Variants in KDM4C observed in about 807,000 individuals in gnomAD.
KDM4C encodes lysine-specific demethylase 4C.
A neutral mutation model predicts 129.3 loss-of-function variants in KDM4C; 81 were observed. The ratio of observed to expected loss-of-function variants is 0.63; its 90% confidence interval spans 0.52 to 0.75. KDM4C has a LOEUF of 0.75. Ranked by LOEUF, KDM4C falls within the 30% of genes least tolerant of loss-of-function variation. The probability of loss-of-function intolerance (pLI) is 0.00; values close to 1 mark genes in which losing one functional copy is unlikely to be tolerated. For synonymous variants in KDM4C, 573 were observed against 456.1 expected, an observed-to-expected ratio of 1.26 and a Z score of -3.26; for missense variants, 1,457 against 1,304.0, an observed-to-expected ratio of 1.12 and a Z score of -1.81.
intron 17 of KDM4C, among the ~76,000 whole-genome samples, chr9:7,091,417 C>A (rs1835786540): frequency 6.6e-6 from 1 of 151,854 alleles, no homozygotes; most frequent in African/African-American, 2.4e-5. Flanking sequence ...TTCACTAAAA[C>A]ACTTTATACT....
intron 1 of KDM4C, among the ~76,000 whole-genome samples, chr9:6,788,166 C>T (rs1014390068): frequency 1.3e-4 from 20 of 152,210 alleles, no homozygotes; most frequent in African/African-American, 4.8e-4. Flanking sequence ...CCACCCCTCC[C>T]CTTTGCAGTC....
intron 17 of KDM4C, among the ~76,000 whole-genome samples, chr9:7,083,039 C>T (rs890165352): frequency 3.9e-5 from 6 of 152,092 alleles, no homozygotes; most frequent in Non-Finnish European, 8.8e-5. Flanking sequence ...AATTATTTAT[C>T]GAATAAGTAG....
intron 1 of KDM4C, among the ~76,000 whole-genome samples, chr9:6,736,422 G>A (rs1817530429): frequency 6.6e-6 from 1 of 152,104 alleles, no homozygotes; most frequent in Admixed American, 6.6e-5. Context: ...GTGGTTCTGT[G>A]GGCTGGGCCC....
intron 5 of KDM4C, among the ~76,000 whole-genome samples, chr9:6,866,496 C>A (rs1396421337): frequency 6.6e-6 from 1 of 152,148 alleles, no homozygotes; most frequent in Non-Finnish European, 1.5e-5. Flanking sequence ...AGCTGCCACT[C>A]TGATTTGGCA....
chr9:7,011,864 C>A lies in KDM4C; in HGVS notation c.1953C>A (p.Leu651=). Reference sequence around the variant, plus strand: ...CACACTGTGCCATCTGCACTCTGCTCATGCCGTACCACAAGGTAAAGGAGC... The same window carrying A: ...CACACTGTGCCATCTGCACTCTGCTAATGCCGTACCACAAGGTAAAGGAGC... ...MKPHCAICTL[L]MPYHKPDSSN... The change falls in exon 13 of 22, where the codon CTC becomes CTA. Residue 651 remains leucine, a synonymous_variant. Coordinates refer to ENST00000381309, the MANE Select transcript of KDM4C (RefSeq NM_015061.6). 2 of 1,613,462 alleles carry A rather than the reference C, an allele frequency of 1.2e-6. No homozygotes were observed. Among genetic ancestry groups the A allele is most frequent in the South Asian group, 1.1e-5 (1 of 91,030 alleles).
At chr9:7,027,491 ACT>A (rs1281401759) in intron 15 of KDM4C, among the ~76,000 whole-genome samples, 1 of 151,900 alleles carries the variant, frequency 6.6e-6, no homozygotes, top group Non-Finnish European at 1.5e-5. Flanking sequence ...GTGACAGAAG[ACT>A]CTCTGTTGTT....
chr9:7,164,991 A>C (rs1844224387), intron 19 of KDM4C, among the ~76,000 whole-genome samples: 1 of 152,144 alleles, frequency 6.6e-6, no homozygotes, highest in African/African-American at 2.4e-5. Context: ...TCAAATAGCA[A>C]ATGTAAATGC....
At chr9:6,815,765 A>C (rs750474142) in intron 4 of KDM4C, among the ~76,000 whole-genome samples, 13 of 152,222 alleles carry the variant, frequency 8.5e-5, no homozygotes, top group Non-Finnish European at 1.9e-4. Context: ...CAAATACTCC[A>C]AAATGGGGAA....
intron 1 of KDM4C, among the ~76,000 whole-genome samples, chr9:6,735,469 G>A (rs1817499145): frequency 6.6e-6 from 1 of 152,168 alleles, no homozygotes; most frequent in African/African-American, 2.4e-5. Context: ...CATATCATGG[G>A]AGGAACCTGG....
In KDM4C at chr9:7,174,610, G is replaced by A. The variant is rs1335635379; in HGVS notation, c.3052G>A (p.Gly1018Arg). 4 of 1,614,188 alleles carry A rather than the reference G, an allele frequency of 2.5e-6. No individual in the cohort carries two copies. In the Admixed American group the frequency reaches 6.7e-5, roughly 27 times the overall value. ...DTFYGADIIQGERKRQRVLSS... is the reference protein window; with the variant it reads ...DTFYGADIIQRERKRQRVLSS... Reference sequence around the variant, plus strand: ...GTTTTATGGAGCAGACATTATCCAAGGGGAGAGAAAGAGACAAAGAGTGCT... The same window carrying A: ...GTTTTATGGAGCAGACATTATCCAAAGGGAGAGAAAGAGACAAAGAGTGCT... Residue 1018 changes from glycine to arginine, a missense_variant, in exon 22 of 22, where the codon GGG becomes AGG. Coordinates refer to ENST00000381309, the MANE Select transcript of KDM4C (RefSeq NM_015061.6).
At chr9:6,877,853 T>C (rs917097937) in intron 5 of KDM4C, among the ~76,000 whole-genome samples, 1 of 152,364 alleles carries the variant, frequency 6.6e-6, no homozygotes, top group East Asian at 1.9e-4. Context: ...GCATTATTAC[T>C]TATCTTCAGA....
At chr9:6,889,251 G>GTGTGTGTGTGTGTGT (rs61683546) in intron 7 of KDM4C, among the ~76,000 whole-genome samples, 3 of 137,978 alleles carry the variant, frequency 2.2e-5, no homozygotes, top group African/African-American at 5.6e-5. Context: ...GTGTGTGTGT[G>GTGTGTGTGTGTGTGT]GGAGGGTGGG....
chr9:6,847,183 A>C (rs529470487), intron 4 of KDM4C, among the ~76,000 whole-genome samples: 1 of 152,246 alleles, frequency 6.6e-6, no homozygotes, highest in Non-Finnish European at 1.5e-5. Flanking sequence ...TTCAGTTTAA[A>C]AATGGTTCCT....
intron 4 of KDM4C, among the ~76,000 whole-genome samples, chr9:6,833,232 C>T (rs1328977568): frequency 6.6e-6 from 1 of 151,988 alleles, no homozygotes; most frequent in Admixed American, 6.6e-5. Context: ...ATTAATATTT[C>T]TATTTAGCCT....
intron 5 of KDM4C, among the ~76,000 whole-genome samples, chr9:6,869,412 G>A (rs1842527223): frequency 6.6e-6 from 1 of 152,236 alleles, no homozygotes; most frequent in Non-Finnish European, 1.5e-5. Context: ...TGGCATTTAA[G>A]TGACACCTCT....
chr9:6,846,096 C>T (rs933760712), intron 4 of KDM4C, among the ~76,000 whole-genome samples: 3 of 152,178 alleles, frequency 2.0e-5, no homozygotes, highest in Non-Finnish European at 4.4e-5. Context: ...GGGAAGAATG[C>T]AGCAGCTTCA....
chr9:6,945,517 A>C (rs1253086479), intron 8 of KDM4C, among the ~76,000 whole-genome samples: 1 of 152,214 alleles, frequency 6.6e-6, no homozygotes, highest in Non-Finnish European at 1.5e-5. Flanking sequence ...GCTTAAATTA[A>C]TTAATTTTGA....
Position 6,893,090 on chromosome 9 carries a change from T to G in KDM4C, c.784-5T>G. 6.5e-7 allele frequency: 1 copy of G among 1,528,908 alleles called. No homozygotes were observed. The highest frequency in any genetic ancestry group is 8.8e-7 in the Non-Finnish European group (1 of 1,137,648). 94.7% of individuals were successfully genotyped at this position (1,528,908 alleles called of 1,614,324 possible). ...ACAAAATATTATATGTTTCCTACCT[T>G]GCAGATAACCCAGGAGGCTGGAGAA... On this transcript the variant is annotated splice_region_variant and splice_polypyrimidine_tract_variant and intron_variant, in intron 7 of 21. Coordinates refer to ENST00000381309, the MANE Select transcript of KDM4C (RefSeq NM_015061.6).
chr9:6,756,965 T>TA (rs1370180550), upstream of KDM4C, among the ~76,000 whole-genome samples: 1 of 152,216 alleles, frequency 6.6e-6, no homozygotes, highest in Non-Finnish European at 1.5e-5. Flanking sequence ...GGTGTGAAGA[T>TA]ATGCCCAATC....
Sources: gnomAD v4.1 joint callset for allele counts (sites outside exome capture counted in the v4.1 genomes callset) on GRCh38, gnomAD v4.1.1 for gene constraint, MANE v1.5 for transcripts, NCBI Gene and HGNC (gene_info 2026-07-23, HGNC 2026-07-21) for gene names.